The following SOD2 variants were observed in gnomAD, a reference collection of about 807,000 sequenced individuals.
The protein encoded by SOD2 is superoxide dismutase 2.
SOD2 carries 11 observed loss-of-function variants against 27.0 expected under a neutral mutation model. The ratio of observed to expected loss-of-function variants is 0.41; its 90% CI spans 0.26 to 0.67. The LOEUF (loss-of-function observed/expected upper bound fraction) is 0.67, where lower values mean the gene tolerates loss of function less well. SOD2 is among the 30% of genes least tolerant of loss of function. The pLI, the probability that SOD2 is intolerant of heterozygous loss-of-function variation, is 0.34. For missense variants in SOD2, 250 were observed against 274.5 expected (o/e 0.91, Z 0.63); for synonymous variants, 105 against 103.0 (o/e 1.02, Z -0.12).
chr6:159,752,837 T>C (rs1779871295), intron 1 of SOD2, among the ~76,000 whole-genome samples: 1 of 152,236 alleles, frequency 6.6e-6, no homozygotes, highest in Admixed American at 6.5e-5. Context: ...CCACTTGGGC[T>C]TAAGCAGTCC....
chr6:159,756,183 G>GT (rs926463236), intron 1 of SOD2: 1 of 152,846 alleles, frequency 6.5e-6, no homozygotes, highest in African/African-American at 2.4e-5. Context: ...TTAGGTGACT[G>GT]TTTAAGAAAT....
At chr6:159,701,101 AATAT>A (rs1777515670) in intron 1 of SOD2, among the ~76,000 whole-genome samples, 1 of 152,216 alleles carries the variant, frequency 6.6e-6, no homozygotes, top group Admixed American at 6.5e-5. Context: ...GAGCAATATA[AATAT>A]AACCCCACAC....
intron 2 of SOD2, among the ~76,000 whole-genome samples, chr6:159,690,398 G>A (rs1003846094): frequency 1.3e-5 from 2 of 151,722 alleles, no homozygotes; most frequent in African/African-American, 2.4e-5. Context: ...GAATTCAAGA[G>A]CAGCCTGGGC....
At chr6:159,711,047 A>T (rs62437322) in intron 1 of SOD2, among the ~76,000 whole-genome samples, 48 of 51,950 alleles carry the variant, frequency 9.2e-4, no homozygotes, top group African/African-American at 1.6e-3. Context: ...AGCTCTGATC[A>T]CCATAACCGC....
At position 159,670,483 on chromosome 6, in the gene SOD2, G is replaced by A. The variant is rs1363456174; in HGVS notation, c.*12010C>T. 1.3e-5 allele frequency: 2 copies of A among 152,172 alleles called. No homozygotes were observed. Among genetic ancestry groups the A allele is most frequent in the African/African-American group, 2.4e-5 (1 of 41,424 alleles). The allele number at this position is 152,172 out of a possible 1,614,324, so 9.4% of individuals were successfully genotyped here. On this transcript the variant is annotated 3_prime_UTR_variant, in exon 5 of 5. Coordinates refer to ENST00000538183, the MANE Select transcript of SOD2 (RefSeq NM_000636.4). Reference sequence around the variant, plus strand: ...CAGCAAGTATACCCTACTGGTTGGAGAACTTTGTTTAAAGGATATAAGTTG... The same window carrying A: ...CAGCAAGTATACCCTACTGGTTGGAAAACTTTGTTTAAAGGATATAAGTTG...
rs1055966133 is a variant in SOD2, at chr6:159,671,473, G to A, written c.*11020C>T. 6.6e-6 allele frequency: 1 copy of A among 152,426 alleles called. No homozygotes were observed. The highest frequency in any genetic ancestry group is 2.4e-5 in the African/African-American group (1 of 41,454). 9.4% of individuals were successfully genotyped at this position (152,426 alleles called of 1,614,324 possible). A position where few individuals can be genotyped will look rare whatever the true frequency, so the allele number is the denominator to read the frequency against. ...TCTACAGCCTCCACTGTGATACCCAGGCAAACAGGGTCTGGCGTGGACGTC... is the reference window on the plus strand; with the variant it reads ...TCTACAGCCTCCACTGTGATACCCAAGCAAACAGGGTCTGGCGTGGACGTC... On this transcript the variant is annotated 3_prime_UTR_variant, in exon 5 of 5. Coordinates refer to ENST00000538183, the MANE Select transcript of SOD2 (RefSeq NM_000636.4).
At chr6:159,696,477 G>A (rs1777423194), upstream of SOD2, among the ~76,000 whole-genome samples, 3 of 152,022 alleles carry the variant, frequency 2.0e-5, no homozygotes, top group South Asian at 6.2e-4. Context: ...GTGCCACCAT[G>A]CCTGGCTAAT....
At chr6:159,759,949 G>C (rs1780089404) in intron 1 of SOD2, among the ~76,000 whole-genome samples, 1 of 152,220 alleles carries the variant, frequency 6.6e-6, no homozygotes, top group African/African-American at 2.4e-5. Context: ...AAGAATATTG[G>C]TGTTCATTCA....
At chr6:159,720,239 C>T (rs1430247041) in intron 1 of SOD2, among the ~76,000 whole-genome samples, 5 of 152,064 alleles carry the variant, frequency 3.3e-5, no homozygotes, top group Admixed American at 3.3e-4. Context: ...TTAGCAAAGA[C>T]AGAGTTTCAC....
chr6:159,686,470 A>C (rs1780190881), intron 3 of SOD2, among the ~76,000 whole-genome samples: 1 of 151,962 alleles, frequency 6.6e-6, no homozygotes. Flanking sequence ...AACATGGAGA[A>C]ACTCCTCTCT....
intron 1 of SOD2, chr6:159,712,755 C>A (rs1350582057): frequency 2.9e-4 from 138 of 477,510 alleles, no homozygotes; most frequent in Admixed American, 4.5e-4. Context: ...CCACCATAAC[C>A]ACCTCCACAA....
At chr6:159,693,268 TAAG>T, upstream of SOD2, 1 of 1,153,494 alleles carries the variant, frequency 8.7e-7, no homozygotes, top group Non-Finnish European at 1.2e-6. Context: ...CCGCGGGCCT[TAAG>T]AAAGCGCGGG....
chr6:159,731,141 AAAAAAAAG>A (rs528180055), upstream of SOD2, among the ~76,000 whole-genome samples: 240 of 151,416 alleles, frequency 1.6e-3, no homozygotes, highest in African/African-American at 5.5e-3. Flanking sequence ...ACTACGTCTC[AAAAAAAAG>A]AAAAAAAGAA....
At chr6:159,745,637 C>T (rs1779530637), upstream of SOD2, among the ~76,000 whole-genome samples, 1 of 152,006 alleles carries the variant, frequency 6.6e-6, no homozygotes. Flanking sequence ...AGCCTGGAAT[C>T]TTGGGTATTC....
chr6:159,753,453 T>C, intron 1 of SOD2: 1 of 1,614,158 alleles, frequency 6.2e-7, no homozygotes, highest in Non-Finnish European at 8.5e-7. Context: ...GGCTCTTTCC[T>C]TTGCAGCCAA....
chr6:159,713,511 C>T (rs1777869469), intron 1 of SOD2: 1 of 679,840 alleles, frequency 1.5e-6, no homozygotes, highest in Non-Finnish European at 2.7e-6. Flanking sequence ...CAGCTATCTC[C>T]TGCGAAGCCA....
At chr6:159,735,488 T>C (rs1285185109) in intron 1 of SOD2, among the ~76,000 whole-genome samples, 2 of 152,196 alleles carry the variant, frequency 1.3e-5, no homozygotes, top group African/African-American at 4.8e-5. Flanking sequence ...TGGTGGTTCA[T>C]TCCTGTAATC....
Position 159,682,446 on chromosome 6 carries a change from A to G in SOD2, c.*47T>C. On this transcript the variant is annotated 3_prime_UTR_variant, in exon 5 of 5. Transcript: ENST00000538183. ...ATTCTGCAGTACTCTATACCACTACAAAAACAGTCATAAAGAGCTTAACAT... is the reference window on the plus strand; with the variant it reads ...ATTCTGCAGTACTCTATACCACTACGAAAACAGTCATAAAGAGCTTAACAT... The G allele has an allele frequency of 6.3e-7, 1 of 1,581,636 alleles. No homozygotes were observed.
chr6:159,676,836 T>G lies in SOD2; in HGVS notation c.*5657A>C, dbSNP rs1415960050. On this transcript the variant is annotated 3_prime_UTR_variant, in exon 5 of 5. Transcript: ENST00000538183. ...GGAGCAGGACTAAAACCAGGCATCT[T>G]GACCAATATCCCACAGGTGCTCTGG... The G allele has an allele frequency of 6.6e-6, 1 of 152,194 alleles. No individual in the cohort carries two copies. Among genetic ancestry groups the G allele is most frequent in the African/African-American group, 2.4e-5 (1 of 41,450 alleles). 9.4% of individuals were successfully genotyped at this position (152,194 alleles called of 1,614,324 possible). A position where few individuals can be genotyped will look rare whatever the true frequency, so the allele number is the denominator to read the frequency against.
Sources: gnomAD v4.1 joint callset for allele counts (sites outside exome capture counted in the v4.1 genomes callset) on GRCh38, gnomAD v4.1.1 for gene constraint, MANE v1.5 for transcripts, NCBI Gene and HGNC (gene_info 2026-07-23, HGNC 2026-07-21) for gene names.